The following TXNDC15 variants were observed in gnomAD, a reference collection of about 807,000 sequenced individuals.
TXNDC15 encodes the protein thioredoxin domain containing 15, also known as thioredoxin domain-containing protein 15.
A neutral mutation model predicts 35.0 loss-of-function variants in TXNDC15; 24 were observed. The observed-to-expected ratio is 0.68, with a 90% CI of 0.50 to 0.96. TXNDC15 has a LOEUF of 0.96. TXNDC15 is among the 40% of genes least tolerant of loss of function. The pLI, the probability that TXNDC15 is intolerant of heterozygous loss-of-function variation, is 0.00. For missense variants in TXNDC15, 385 were observed against 453.3 expected (o/e 0.85, Z 1.37); for synonymous variants, 169 against 174.0 (o/e 0.97, Z 0.23).
In TXNDC15 at chr5:134,874,552, T is replaced by G. The variant is rs758847269; in HGVS notation, c.103+22T>G. The G allele has an allele frequency of 7.6e-6, 12 of 1,575,150 alleles. No individual in the cohort carries two copies. In the Admixed American group the frequency reaches 1.9e-4, roughly 25 times the overall value. On this transcript the variant is annotated intron_variant, in intron 1 of 4. Coordinates refer to ENST00000358387, the MANE Select transcript of TXNDC15 (RefSeq NM_024715.4). ...GAGGGTGAGTGTGGGCCGGGGGCGG[T>G]GCATGAGATGATGGGGCGAGCTGAG...
intron 3 of TXNDC15, among the ~76,000 whole-genome samples, chr5:134,894,825 A>C (rs1270316129): frequency 6.6e-6 from 1 of 152,118 alleles, no homozygotes; most frequent in Non-Finnish European, 1.5e-5. Flanking sequence ...ATAAATCTAG[A>C]ACATCTGAAA....
At chr5:134,876,103 G>A (rs1393588825) in intron 1 of TXNDC15, among the ~76,000 whole-genome samples, 1 of 152,218 alleles carries the variant, frequency 6.6e-6, no homozygotes, top group East Asian at 1.9e-4. Flanking sequence ...TCAAGCCCAT[G>A]TCTGCCTGAC....
chr5:134,874,219 T>C, upstream of TXNDC15: 1 of 533,840 alleles, frequency 1.9e-6, no homozygotes, highest in Non-Finnish European at 3.3e-6. Flanking sequence ...GTCTGGCGCT[T>C]AGCTCCTAAA....
Position 134,887,729 on chromosome 5 carries a change from G to A in TXNDC15, c.138G>A (p.Glu46=), listed in dbSNP as rs763607903. The stretch of plus-strand genomic sequence containing the variant: ...AAAGTGGTCGCTTATGGTCAGAGGA[G>A]CAGCCTGCTCACCCTCTCCAGGTGG... ...AEESGRLWSE[E]QPAHPLQVGA... Residue 46 remains glutamate (E), a synonymous_variant, in exon 2 of 5, where the codon GAG becomes GAA. Coordinates refer to ENST00000358387, the MANE Select transcript of TXNDC15 (RefSeq NM_024715.4). 4.8e-5 allele frequency: 77 copies of A among 1,605,898 alleles called. No homozygotes were observed. The highest frequency in any genetic ancestry group is 6.3e-5 in the Non-Finnish European group (74 of 1,174,234).
At position 134,899,652 on chromosome 5, in the gene TXNDC15, A is replaced by G; in HGVS notation, c.1050A>G (p.Leu350=). ...TTCGAACTGAGAGTATTCGGTGGCT[A>G]ATTCCAGGACAAGAGCAGGAACATG... ...ATIRTESIRW[L]IPGQEQEHVE is the part of the protein sequence containing the mutation. The change falls in exon 5 of 5, where the codon CTA becomes CTG. Residue 350 remains leucine, a synonymous_variant. Coordinates refer to ENST00000358387, the MANE Select transcript of TXNDC15 (RefSeq NM_024715.4). 1.2e-6 allele frequency: 2 copies of G among 1,612,088 alleles called. No individual in the cohort carries two copies. Among genetic ancestry groups the G allele is most frequent in the Non-Finnish European group, 1.7e-6 (2 of 1,179,334 alleles).
At chr5:134,891,946 G>T (rs1053615748) in intron 2 of TXNDC15, among the ~76,000 whole-genome samples, 4 of 152,026 alleles carry the variant, frequency 2.6e-5, no homozygotes, top group African/African-American at 7.2e-5. Context: ...AAGATTTATT[G>T]TTAAATAAAT....
At chr5:134,874,190 G>C (rs1402908655), upstream of TXNDC15, 2 of 507,806 alleles carry the variant, frequency 3.9e-6, no homozygotes, top group African/African-American at 2.1e-5. Context: ...GGTCAGCAGA[G>C]TTCAAAACGA....
intron 4 of TXNDC15, 80 bp from the exon 5 acceptor site, chr5:134,899,409 C>T: frequency 3.3e-6 from 4 of 1,207,834 alleles, no homozygotes; most frequent in Non-Finnish European, 4.8e-6. Context: ...TGTCATTTTG[C>T]ATACCATACA....
At chr5:134,887,602 G>A (rs2150187425) in intron 1 of TXNDC15, 93 bp from the exon 2 acceptor site, 1 of 1,484,892 alleles carries the variant, frequency 6.7e-7, no homozygotes, top group Non-Finnish European at 9.0e-7. Flanking sequence ...TGTCTCCAGA[G>A]GGGAAAATTT....
chr5:134,899,577 G>A lies in TXNDC15; in HGVS notation c.975G>A (p.Leu325=), dbSNP rs1490271555. The part of the protein sequence containing the change: ...PSTLIKSVDW[L]LVFSLFFLIS... ...CTTTGATAAAAAGTGTGGACTGGTT[G>A]CTTGTATTTTCCTTATTCTTTTTAA... Residue 325 remains leucine, a synonymous_variant, in exon 5 of 5, where the codon TTG becomes TTA. Transcript: ENST00000358387. The A allele has an allele frequency of 3.7e-6, 6 of 1,613,848 alleles. No individual in the cohort carries two copies. Among genetic ancestry groups the A allele is most frequent in the Non-Finnish European group, 5.1e-6 (6 of 1,179,974 alleles).
At position 134,901,500 on chromosome 5, in the gene TXNDC15, A is replaced by G. The variant is rs1308550852; in HGVS notation, c.*1815A>G. The G allele has an allele frequency of 6.6e-6, 1 of 152,246 alleles. No individual in the cohort carries two copies. Among genetic ancestry groups the G allele is most frequent in the African/African-American group, 2.4e-5 (1 of 41,466 alleles). The allele number at this position is 152,246 out of a possible 1,614,324, so 9.4% of individuals were successfully genotyped here. On this transcript the variant is annotated 3_prime_UTR_variant, in exon 5 of 5. Coordinates refer to ENST00000358387, the MANE Select transcript of TXNDC15 (RefSeq NM_024715.4). ...CACATGTGTGTACTTATAAATACAA[A>G]TGTAAGGAAAACTCTAGTGAGTCCA... is the stretch of plus-strand genomic sequence containing the variant.
At chr5:134,875,263 A>G (rs1425523810) in intron 1 of TXNDC15, 2 of 455,368 alleles carry the variant, frequency 4.4e-6, no homozygotes, top group Non-Finnish European at 8.8e-6. Context: ...CCTTCACCCC[A>G]CTCCTCATAG....
chr5:134,896,507 C>T, intron 4 of TXNDC15, 83 bp downstream of exon 4: 1 of 1,545,650 alleles, frequency 6.5e-7, no homozygotes, highest in Non-Finnish European at 8.8e-7. Flanking sequence ...CTGCTATAAT[C>T]CTTAAGTGAA....
chr5:134,899,027 A>T (rs1381269223), intron 4 of TXNDC15, among the ~76,000 whole-genome samples: 2 of 152,080 alleles, frequency 1.3e-5, no homozygotes, highest in Non-Finnish European at 2.9e-5. Flanking sequence ...CAGTGAGCTG[A>T]GATCGCACCA....
chr5:134,898,875 G>C (rs922650872), intron 4 of TXNDC15, among the ~76,000 whole-genome samples: 2 of 152,194 alleles, frequency 1.3e-5, no homozygotes, highest in African/African-American at 4.8e-5. Context: ...TGGAGTTCGA[G>C]ACCAGCCTGG....
At chr5:134,890,344 G>T (rs75509169) in intron 2 of TXNDC15, among the ~76,000 whole-genome samples, 1 of 149,938 alleles carries the variant, frequency 6.7e-6, no homozygotes, top group Non-Finnish European at 1.5e-5. Context: ...GTTTCGTTTC[G>T]TTTTTTTCTT....
intron 1 of TXNDC15, among the ~76,000 whole-genome samples, chr5:134,885,204 G>A (rs776472379): frequency 6.6e-6 from 1 of 152,212 alleles, no homozygotes. Context: ...TTACAGGCGT[G>A]AGCCACTGCA....
At chr5:134,896,624 T>A (rs968173781) in intron 4 of TXNDC15, among the ~76,000 whole-genome samples, 200 bp downstream of exon 4, 1 of 152,026 alleles carries the variant, frequency 6.6e-6, no homozygotes, top group African/African-American at 2.4e-5. Context: ...TAGGTAATTT[T>A]AATTATTATA....
chr5:134,876,595 G>A lies in TXNDC15; in HGVS notation c.103+2065G>A, dbSNP rs913311599. Among the ~76,000 whole-genome samples, 4 of 152,088 alleles carry A rather than the reference G, an allele frequency of 2.6e-5. No homozygotes were observed. The South Asian group carries it at 6.2e-4, about 24-fold the overall frequency. On this transcript the variant is annotated intron_variant, in intron 1 of 4. Coordinates refer to ENST00000358387, the MANE Select transcript of TXNDC15 (RefSeq NM_024715.4). ...TCCTCAACTTGCCCAAGTTAAATGT[G>A]CTGTTTCCTGGCAGAACCCTGGCTG...
Sources: allele counts gnomAD v4.1 joint callset (sites outside exome capture counted in the v4.1 genomes callset), GRCh38; gene constraint gnomAD v4.1.1; transcripts MANE v1.5; gene names NCBI Gene and HGNC (gene_info 2026-07-23, HGNC 2026-07-21).